Variants in KCNG3 observed in about 807,000 individuals in gnomAD.
KCNG3 encodes the protein potassium voltage-gated channel modifier subfamily G member 3.
In KCNG3, 15 loss-of-function variants were observed where a neutral mutation model predicts 29.0. That is an observed-to-expected ratio of 0.52 (90% confidence interval 0.35 to 0.80). The LOEUF (loss-of-function observed/expected upper bound fraction) is 0.80. Among genes scored for constraint, KCNG3 ranks in the 30% least tolerant of loss-of-function variants. The pLI, the probability that KCNG3 is intolerant of heterozygous loss-of-function variation, is 0.01. For missense variants in KCNG3, 512 were observed against 605.7 expected (o/e 0.85, Z 1.62); for synonymous variants, 322 against 248.9 (o/e 1.29, Z -2.76).
chr2:42,443,804 G>T lies in KCNG3; in HGVS notation c.*130C>A. The stretch of plus-strand genomic sequence containing the variant: ...TAAACTGTTTTATCCCTTCGGCTGG[G>T]AAGGATAATTTTTACCCTACCAAGA... On this transcript the variant is annotated 3_prime_UTR_variant, in exon 2 of 2. Coordinates refer to ENST00000306078, the MANE Select transcript of KCNG3 (RefSeq NM_133329.6). The T allele has an allele frequency of 2.4e-6, 2 of 825,632 alleles. No homozygotes were observed. The highest frequency in any genetic ancestry group is 3.8e-6 in the Non-Finnish European group (2 of 525,372). 51.1% of individuals were successfully genotyped at this position (825,632 alleles called of 1,614,324 possible). A position where few individuals can be genotyped will look rare whatever the true frequency, so the allele number is the denominator to read the frequency against.
chr2:42,453,996 A>G lies in KCNG3; in HGVS notation c.666-9417T>C, dbSNP rs376167319. On this transcript the variant is annotated intron_variant, in intron 1 of 1. Transcript: ENST00000306078. ...AAAGGATTTGAATAGATATTTCTCC[A>G]AAGTTAATAAGGCCAATGAGCATAT... Among the ~76,000 whole-genome samples, 31 of 152,170 alleles carry G rather than the reference A, an allele frequency of 2.0e-4. No individual in the cohort carries two copies. In the East Asian group the frequency reaches 3.1e-3, roughly 15 times the overall value.
the KCNG3 span, among the ~76,000 whole-genome samples, chr2:42,430,671 C>T: frequency 1.9e-4 from 29 of 152,080 alleles, no homozygotes; most frequent in Non-Finnish European, 4.4e-5. Flanking sequence ...GTGGGAGGAT[C>T]ACTTGAGCCC....
At chr2:42,389,261 A>G in the KCNG3 span, among the ~76,000 whole-genome samples, 1 of 152,182 alleles carries the variant, frequency 6.6e-6, no homozygotes. Context: ...TTAACAGTGT[A>G]TGATCATAGT....
the KCNG3 span, among the ~76,000 whole-genome samples, chr2:42,421,027 A>G: frequency 2.6e-5 from 4 of 152,224 alleles, no homozygotes; most frequent in African/African-American, 7.2e-5. Flanking sequence ...TCACCATAAA[A>G]CGCTACCACA....
chr2:42,464,470 C>T (rs575208605), intron 1 of KCNG3, among the ~76,000 whole-genome samples: 7 of 152,250 alleles, frequency 4.6e-5, no homozygotes, highest in African/African-American at 1.7e-4. Context: ...GTCATGAATA[C>T]AAAAACATTC....
chr2:42,455,341 T>A, intron 1 of KCNG3, among the ~76,000 whole-genome samples: 1 of 152,212 alleles, frequency 6.6e-6, no homozygotes, highest in East Asian at 1.9e-4. Flanking sequence ...ACTTTGACAT[T>A]AATTAATTTT....
At chr2:42,398,711 T>C in the KCNG3 span, among the ~76,000 whole-genome samples, 1 of 152,072 alleles carries the variant, frequency 6.6e-6, no homozygotes, top group East Asian at 1.9e-4. Flanking sequence ...CAAGGGGAAA[T>C]GTTCTCACGT....
chr2:42,393,557 T>A, the KCNG3 span, among the ~76,000 whole-genome samples: 1 of 151,662 alleles, frequency 6.6e-6, no homozygotes, highest in Non-Finnish European at 1.5e-5. Flanking sequence ...TGAGACTCTG[T>A]CTCAAAAACA....
the KCNG3 span, among the ~76,000 whole-genome samples, chr2:42,433,955 C>T: frequency 1.3e-5 from 2 of 152,118 alleles, no homozygotes; most frequent in Non-Finnish European, 2.9e-5. Context: ...AAGACTTGTA[C>T]ACTGAAAACT....
At chr2:42,457,027 C>T in intron 1 of KCNG3, among the ~76,000 whole-genome samples, 1 of 152,122 alleles carries the variant, frequency 6.6e-6, no homozygotes, top group Non-Finnish European at 1.5e-5. Flanking sequence ...ACCTCTTTAT[C>T]TTCCAACCTA....
chr2:42,476,493 A>T (rs1673429548), intron 1 of KCNG3, among the ~76,000 whole-genome samples: 2 of 151,806 alleles, frequency 1.3e-5, no homozygotes, highest in Non-Finnish European at 2.9e-5. Flanking sequence ...ATTTAAAAAA[A>T]AAAAAATTTT....
intron 1 of KCNG3, chr2:42,463,947 C>A (rs775800786): frequency 3.9e-5 from 13 of 333,898 alleles, no homozygotes; most frequent in Non-Finnish European, 7.2e-5. Flanking sequence ...CCTTGGTGAA[C>A]ACATCCCTGG....
chr2:42,451,124 G>A (rs1393266439), intron 1 of KCNG3, among the ~76,000 whole-genome samples: 2 of 127,238 alleles, frequency 1.6e-5, no homozygotes, highest in Non-Finnish European at 3.1e-5. Flanking sequence ...AGAACTGCTT[G>A]AACCTGAAAG....
intron 1 of KCNG3, among the ~76,000 whole-genome samples, chr2:42,452,243 A>ATATATATATATATATATTTTTTTTT: frequency 1.1e-5 from 1 of 95,062 alleles, no homozygotes; most frequent in African/African-American, 3.9e-5. Flanking sequence ...ATATATATAT[A>ATATATATATATATATATTTTTTTTT]TTTTTTTTTT....
chr2:42,487,317 A>T (rs1044101520), intron 1 of KCNG3, among the ~76,000 whole-genome samples: 1 of 149,766 alleles, frequency 6.7e-6, no homozygotes, highest in African/African-American at 2.5e-5. Context: ...CTAATATCAT[A>T]AAAAGAGCTA....
At chr2:42,455,109 G>A (rs183029855) in intron 1 of KCNG3, among the ~76,000 whole-genome samples, 2 of 152,264 alleles carry the variant, frequency 1.3e-5, no homozygotes, top group Non-Finnish European at 2.9e-5. Flanking sequence ...ACAAATCTAT[G>A]CCCCCAAGAA....
At chr2:42,427,816 C>G in the KCNG3 span, among the ~76,000 whole-genome samples, 1 of 152,084 alleles carries the variant, frequency 6.6e-6, no homozygotes, top group East Asian at 1.9e-4. Flanking sequence ...TCTTTACTTT[C>G]AAGTTAAAAA....
chr2:42,461,999 GTTTTA>G (rs1463187587), intron 1 of KCNG3, among the ~76,000 whole-genome samples: 1 of 152,112 alleles, frequency 6.6e-6, no homozygotes, highest in East Asian at 1.9e-4. Context: ...TTTTATTCAA[GTTTTA>G]TTTTAAGTGA....
At chr2:42,419,878 G>A in the KCNG3 span, among the ~76,000 whole-genome samples, 5 of 152,292 alleles carry the variant, frequency 3.3e-5, no homozygotes, top group South Asian at 4.1e-4. Flanking sequence ...AGAGACTGCC[G>A]GTCAGTCTGT....
Sources: gnomAD v4.1 joint callset for allele counts (sites outside exome capture counted in the v4.1 genomes callset) on GRCh38, gnomAD v4.1.1 for gene constraint, MANE v1.5 for transcripts, NCBI Gene and HGNC (gene_info 2026-07-23, HGNC 2026-07-21) for gene names.